MYO10: variants seen among roughly 807,000 people sequenced by gnomAD.
MYO10 encodes the protein unconventional myosin-X.
MYO10 carries 133 observed loss-of-function variants against 257.3 expected under a neutral mutation model. That is an observed-to-expected ratio of 0.52 (90% CI 0.45 to 0.60). The LOEUF (loss-of-function observed/expected upper bound fraction) is 0.60, where lower values mean the gene tolerates loss of function less well. Ranked by LOEUF, MYO10 falls within the 20% of genes least tolerant of loss-of-function variation. MYO10 has a pLI of 0.00. For missense variants in MYO10, 2,399 were observed against 2,635.7 expected (o/e 0.91, Z 1.97); for synonymous variants, 1,104 against 1,028.6 (o/e 1.07, Z -1.40).
At chr5:16,771,547 TTTATTATTA>T (rs201265648) in intron 9 of MYO10, among the ~76,000 whole-genome samples, 2,617 of 136,852 alleles carry the variant, frequency 0.019, 49 homozygotes, top group African/African-American at 0.047. Context: ...ACTATTATGA[TTTATTATTA>T]TTATTATTAT....
chr5:16,753,896 A>C (rs1041680813), intron 19 of MYO10, among the ~76,000 whole-genome samples: 1 of 152,256 alleles, frequency 6.6e-6, no homozygotes, highest in Non-Finnish European at 1.5e-5. Context: ...CCAGAATATA[A>C]TAAACCAAGT....
intron 1 of MYO10, among the ~76,000 whole-genome samples, chr5:16,899,761 G>A (rs1295587572): frequency 6.6e-6 from 1 of 152,134 alleles, no homozygotes; most frequent in African/African-American, 2.4e-5. Flanking sequence ...ACTCTGGGAG[G>A]TCGAGGCAGG....
chr5:16,841,799 G>A (rs1019635875), intron 2 of MYO10, among the ~76,000 whole-genome samples: 6 of 152,064 alleles, frequency 3.9e-5, no homozygotes, highest in Admixed American at 1.3e-4. Flanking sequence ...TTGTAAGTGC[G>A]TCTAATAATA....
intron 19 of MYO10, among the ~76,000 whole-genome samples, chr5:16,732,243 G>A (rs761269934): frequency 2.6e-5 from 4 of 152,070 alleles, no homozygotes; most frequent in Non-Finnish European, 5.9e-5. Flanking sequence ...AGGGCAGGAG[G>A]GAAGGAAGGA....
rs1459725476 is a variant in MYO10 at position 16,702,920 on chromosome 5, T to C, written c.2510+5A>G. 2 of 1,542,166 alleles carry C rather than the reference T, an allele frequency of 1.3e-6. No individual in the cohort carries two copies. The highest frequency in any genetic ancestry group is 2.0e-5 in the Admixed American group (1 of 50,892). ...TGTTTCATCCCAGCAAGAAAGGTAC[T>C]GTACCTTTCTTCTTCCTCCCGTTTC... On this transcript the variant is annotated splice_donor_5th_base_variant and intron_variant, in intron 23 of 40. Transcript: ENST00000513610.
intron 19 of MYO10, among the ~76,000 whole-genome samples, chr5:16,734,805 CAA>C (rs10686505): frequency 1.5e-4 from 20 of 131,280 alleles, no homozygotes; most frequent in Non-Finnish European, 1.8e-4. Flanking sequence ...AACTCTGTCT[CAA>C]AAAAAAAAAA....
At position 16,903,064 on chromosome 5, in the gene MYO10, C is replaced by T. The variant is rs564553306; in HGVS notation, c.22-25357G>A. Among the ~76,000 whole-genome samples, 20 of 152,320 alleles carry T rather than the reference C, an allele frequency of 1.3e-4. No individual in the cohort carries two copies. The South Asian group carries it at 3.9e-3, about 30-fold the overall frequency. On this transcript the variant is annotated intron_variant, in intron 1 of 40. Coordinates refer to ENST00000513610, the MANE Select transcript of MYO10 (RefSeq NM_012334.3). ...GTGCAGGCCTCTGTCCTAAACGCTT[C>T]ACACGCACTAACTTGCTTAATTCTT...
At chr5:16,727,377 G>GC (rs1739411213) in intron 19 of MYO10, among the ~76,000 whole-genome samples, 1 of 152,278 alleles carries the variant, frequency 6.6e-6, no homozygotes, top group Non-Finnish European at 1.5e-5. Flanking sequence ...GATACCTGCA[G>GC]CATGTTTTGT....
chr5:16,714,001 C>A (rs1738740917), intron 19 of MYO10, among the ~76,000 whole-genome samples: 1 of 152,102 alleles, frequency 6.6e-6, no homozygotes, highest in Admixed American at 6.6e-5. Flanking sequence ...TCACTTGATC[C>A]ATTTACTGAA....
At chr5:16,709,498 A>T (rs1468043399) in intron 21 of MYO10, among the ~76,000 whole-genome samples, 1 of 152,196 alleles carries the variant, frequency 6.6e-6, no homozygotes, top group East Asian at 1.9e-4. Flanking sequence ...CCATGTGTCA[A>T]GGAATTTTGA....
At chr5:16,742,982 T>C (rs184137395) in intron 19 of MYO10, among the ~76,000 whole-genome samples, 12 of 152,168 alleles carry the variant, frequency 7.9e-5, no homozygotes, top group African/African-American at 2.9e-4. Context: ...TAGCCGGGCA[T>C]GGTGGTGCAT....
chr5:16,816,451 A>C (rs990302578), intron 3 of MYO10, among the ~76,000 whole-genome samples: 1 of 151,692 alleles, frequency 6.6e-6, no homozygotes, highest in Non-Finnish European at 1.5e-5. Context: ...TTCTCAGTCT[A>C]AGGGTAGATA....
chr5:16,769,965 C>G, intron 9 of MYO10, among the ~76,000 whole-genome samples: 1 of 150,842 alleles, frequency 6.6e-6, no homozygotes, highest in Admixed American at 6.6e-5. Flanking sequence ...AGATGGGGGT[C>G]TCATGTTGGC....
At chr5:16,850,071 A>G (rs948351181) in intron 2 of MYO10, among the ~76,000 whole-genome samples, 1 of 152,232 alleles carries the variant, frequency 6.6e-6, no homozygotes, top group African/African-American at 2.4e-5. Flanking sequence ...TCTATAAGAC[A>G]AAGAGGAATG....
At chr5:16,849,779 T>C (rs569271908) in intron 2 of MYO10, among the ~76,000 whole-genome samples, 4 of 152,210 alleles carry the variant, frequency 2.6e-5, no homozygotes, top group Admixed American at 6.5e-5. Flanking sequence ...CAAAAATCAA[T>C]GTATTTTGTT....
chr5:16,875,194 T>C (rs1442937865), intron 2 of MYO10, among the ~76,000 whole-genome samples: 4 of 150,890 alleles, frequency 2.7e-5, no homozygotes, highest in African/African-American at 9.9e-5. Flanking sequence ...AAAACCTATT[T>C]TACAACGCTT....
At position 16,870,560 on chromosome 5, in the gene MYO10, A is replaced by G. The variant is rs1043332482; in HGVS notation, c.120+7049T>C. On this transcript the variant is annotated intron_variant, in intron 2 of 40. Transcript: ENST00000513610. ...AGGAAAATTACACTAATAGTTTTGT[A>G]AACTCTTTGTGGATTCTAAGAGGTC... Among the ~76,000 whole-genome samples, 19 of 151,004 alleles carry G rather than the reference A, an allele frequency of 1.3e-4. 1 individual carries two copies. Among genetic ancestry groups the G allele is most frequent in the African/African-American group, 2.0e-4 (8 of 40,490 alleles).
chr5:16,888,712 A>G lies in MYO10; in HGVS notation c.22-11005T>C, dbSNP rs1744961146. ...AGCTCTGATCGTGCTACTGCACTCC[A>G]GCCTGAACAAGATAAGCCAAGACCC... is the stretch of plus-strand genomic sequence containing the variant. On this transcript the variant is annotated intron_variant, in intron 1 of 40. Coordinates refer to ENST00000513610, the MANE Select transcript of MYO10 (RefSeq NM_012334.3). Among the ~76,000 whole-genome samples the G allele has an allele frequency of 1.3e-5, 2 of 151,930 alleles. 1 individual carries two copies. The highest frequency in any genetic ancestry group is 4.1e-4 in the South Asian group (2 of 4,824).
chr5:16,902,345 G>C (rs896111372), intron 1 of MYO10: 1 of 1,159,896 alleles, frequency 8.6e-7, no homozygotes, highest in Non-Finnish European at 1.3e-6. Flanking sequence ...TTCTAAATCA[G>C]GGTGGGGGTG....
Sources: allele counts gnomAD v4.1 joint callset (sites outside exome capture counted in the v4.1 genomes callset), GRCh38; gene constraint gnomAD v4.1.1; transcripts MANE v1.5; gene names NCBI Gene and HGNC (gene_info 2026-07-23, HGNC 2026-07-21).